RASSF6: variants seen among roughly 807,000 people sequenced by gnomAD.
RASSF6 encodes ras association domain-containing protein 6.
A neutral mutation model predicts 44.0 loss-of-function variants in RASSF6; 52 were observed. That is an observed-to-expected ratio of 1.18 (90% CI 0.95 to 1.49). RASSF6 has a LOEUF of 1.49. Ranked by LOEUF, RASSF6 falls within the 40% of genes most tolerant of loss-of-function variation. The pLI, the probability that RASSF6 is intolerant of heterozygous loss-of-function variation, is 0.00. For synonymous variants in RASSF6, 162 were observed against 124.6 expected (o/e 1.30, Z -2.00); for missense variants, 464 against 393.3 (o/e 1.18, Z -1.52).
intron 1 of RASSF6, among the ~76,000 whole-genome samples, chr4:73,618,966 G>A (rs1726536370): frequency 6.6e-6 from 1 of 152,150 alleles, no homozygotes; most frequent in Non-Finnish European, 1.5e-5. Context: ...CCACTTTCCT[G>A]TAATTTAAGC....
intron 2 of RASSF6, among the ~76,000 whole-genome samples, chr4:73,601,811 A>T (rs1725294298): frequency 6.6e-6 from 1 of 152,246 alleles, no homozygotes. Context: ...TTAACTTGGC[A>T]TTAGGGGAAC....
At chr4:73,591,644 C>T (rs1724568330) in intron 4 of RASSF6, among the ~76,000 whole-genome samples, 1 of 152,156 alleles carries the variant, frequency 6.6e-6, no homozygotes, top group South Asian at 2.1e-4. Flanking sequence ...CTCTCTCAGG[C>T]TGCTGGAGGC....
chr4:73,593,559 A>G lies in RASSF6; in HGVS notation c.179T>C (p.Leu60Pro). 1 of 1,613,604 alleles carries G rather than the reference A, an allele frequency of 6.2e-7. No individual in the cohort carries two copies. The highest frequency in any genetic ancestry group is 8.5e-7 in the Non-Finnish European group (1 of 1,179,808). ...EDGKLIVEGM[L>P]DIFWGVKRPI... ...TCGTTTTACTCCCCAGAAAATGTCC[A>G]GCATTCCTTCAACAATTAGTTTGCC... Residue 60 changes from leucine to proline, a missense_variant, in exon 4 of 11, where the codon CTG becomes CCG. Coordinates refer to ENST00000307439, the MANE Select transcript of RASSF6 (RefSeq NM_177532.5).
intron 3 of RASSF6, among the ~76,000 whole-genome samples, chr4:73,595,030 ACTGCCC>A (rs1331584975): frequency 6.6e-6 from 1 of 152,198 alleles, no homozygotes; most frequent in African/African-American, 2.4e-5. Context: ...TCATCCAAGG[ACTGCCC>A]CTTTTAAACA....
intron 1 of RASSF6, among the ~76,000 whole-genome samples, chr4:73,612,495 T>A (rs1021399434): frequency 2.2e-4 from 32 of 142,970 alleles, no homozygotes; most frequent in African/African-American, 7.9e-4. Context: ...TTTTTTTTTT[T>A]AAAAAAAAAA....
intron 2 of RASSF6, among the ~76,000 whole-genome samples, chr4:73,602,942 G>T (rs927619946): frequency 6.6e-6 from 1 of 152,140 alleles, no homozygotes; most frequent in Non-Finnish European, 1.5e-5. Flanking sequence ...CAAAAAATTA[G>T]CAGGGCGCGG....
At chr4:73,611,120 G>A (rs1725978083) in intron 2 of RASSF6, among the ~76,000 whole-genome samples, 3 of 151,868 alleles carry the variant, frequency 2.0e-5, no homozygotes, top group Non-Finnish European at 4.4e-5. Context: ...TAAGATTTGG[G>A]TCATGTTTCA....
chr4:73,583,101 A>C (rs2149368178), intron 6 of RASSF6, among the ~76,000 whole-genome samples: 1 of 152,200 alleles, frequency 6.6e-6, no homozygotes, highest in South Asian at 2.1e-4. Context: ...TTATGTGAAG[A>C]AGCTTCATGC....
At position 73,585,301 on chromosome 4, in the gene RASSF6, A is replaced by C; in HGVS notation, c.446T>G (p.Val149Gly). 6.2e-7 allele frequency: 1 copy of C among 1,612,062 alleles called. No homozygotes were observed. The highest frequency in any genetic ancestry group is 8.5e-7 in the Non-Finnish European group (1 of 1,178,766). The change falls in exon 6 of 11, where the codon GTG becomes GGG. Residue 149 changes from valine to glycine, a missense_variant. By Grantham distance (109) the Val-to-Gly change is moderately radical (BLOSUM62 -3). Transcript: ENST00000307439. The stretch of plus-strand genomic sequence containing the variant: ...TGCTTCACTCATGGTTCTATAGAGC[A>C]CTGGGGAGTCTGGTTCATCCTTTGC... Reference protein sequence around the residue: ...PHAKDEPDSPVLYRTMSEAAL... With the variant: ...PHAKDEPDSPGLYRTMSEAAL...
At chr4:73,616,038 G>T (rs1726331675) in intron 1 of RASSF6, 3 of 1,024,282 alleles carry the variant, frequency 2.9e-6, no homozygotes, top group Non-Finnish European at 4.4e-6. Context: ...GGAAAATTGG[G>T]TTCACTCGTT....
At chr4:73,590,892 C>T (rs539288455) in intron 4 of RASSF6, among the ~76,000 whole-genome samples, 3 of 152,238 alleles carry the variant, frequency 2.0e-5, no homozygotes, top group South Asian at 2.1e-4. Context: ...TGCTTCACAG[C>T]AATGTACTAA....
intron 2 of RASSF6, among the ~76,000 whole-genome samples, chr4:73,611,264 T>C (rs1045254725): frequency 6.6e-5 from 10 of 152,220 alleles, no homozygotes; most frequent in Non-Finnish European, 1.3e-4. Flanking sequence ...CAATATGAGA[T>C]ACTGTTTGCT....
At chr4:73,585,477 G>A in intron 5 of RASSF6, 113 bp from the exon 6 acceptor site, 1 of 684,418 alleles carries the variant, frequency 1.5e-6, no homozygotes, top group Non-Finnish European at 2.2e-6. Flanking sequence ...TTCTGGCTGT[G>A]TAAAAGCATT....
intron 1 of RASSF6, among the ~76,000 whole-genome samples, chr4:73,615,597 T>C (rs754474301): frequency 6.6e-6 from 1 of 152,198 alleles, no homozygotes; most frequent in Non-Finnish European, 1.5e-5. Flanking sequence ...TTGACTTAGA[T>C]TGTGTGTAAA....
intron 2 of RASSF6, among the ~76,000 whole-genome samples, chr4:73,607,392 T>C (rs1342694425): frequency 1.3e-5 from 2 of 152,212 alleles, no homozygotes; most frequent in Non-Finnish European, 2.9e-5. Flanking sequence ...GCTGTAAGGA[T>C]TTCTGGCAGA....
intron 1 of RASSF6, among the ~76,000 whole-genome samples, chr4:73,619,503 T>C (rs1466207498): frequency 6.6e-6 from 1 of 152,184 alleles, no homozygotes; most frequent in Non-Finnish European, 1.5e-5. Context: ...CAGAGCAGCT[T>C]ATTCTTAATG....
intron 1 of RASSF6, among the ~76,000 whole-genome samples, chr4:73,620,087 C>T (rs1374197456): frequency 2.6e-5 from 4 of 152,050 alleles, no homozygotes; most frequent in Non-Finnish European, 4.4e-5. Context: ...CCCCTCTCTC[C>T]CTCCCACCCT....
intron 1 of RASSF6, among the ~76,000 whole-genome samples, chr4:73,614,012 G>A (rs1216354280): frequency 6.6e-6 from 1 of 152,098 alleles, no homozygotes; most frequent in Non-Finnish European, 1.5e-5. Flanking sequence ...TATCTACATG[G>A]CTGAAAAAGA....
chr4:73,584,364 T>G (rs938847151), intron 6 of RASSF6, among the ~76,000 whole-genome samples: 1 of 152,148 alleles, frequency 6.6e-6, no homozygotes, highest in African/African-American at 2.4e-5. Flanking sequence ...GAATGATTGC[T>G]AAAGTACATC....
Sources: allele counts gnomAD v4.1 joint callset (sites outside exome capture counted in the v4.1 genomes callset), GRCh38; gene constraint gnomAD v4.1.1; transcripts MANE v1.5; gene names NCBI Gene and HGNC (gene_info 2026-07-23, HGNC 2026-07-21).